Variants in ATRNL1 observed in about 807,000 individuals in gnomAD.
ATRNL1 encodes attractin-like protein 1.
Under a neutral mutation model 182.7 loss-of-function variants are expected in ATRNL1, and 95 were observed. The observed-to-expected ratio is 0.52, with a 90% confidence interval of 0.44 to 0.62. ATRNL1 has a LOEUF of 0.62. Among genes scored for constraint, ATRNL1 ranks in the 20% least tolerant of loss-of-function variants. ATRNL1 has a pLI of 0.00. For synonymous variants in ATRNL1, 576 were observed against 568.3 expected (o/e 1.01, Z -0.19); for missense variants, 1,471 against 1,679.5 (o/e 0.88, Z 2.17).
chr10:115,291,072 A>ATC (rs1355865759), intron 15 of ATRNL1, among the ~76,000 whole-genome samples: 1 of 152,154 alleles, frequency 6.6e-6, no homozygotes, highest in Non-Finnish European at 1.5e-5. Context: ...CAGCTTTCTT[A>ATC]TCTCTGTCTG....
intron 5 of ATRNL1, among the ~76,000 whole-genome samples, chr10:115,146,838 T>C (rs1450562954): frequency 6.6e-6 from 1 of 151,754 alleles, no homozygotes; most frequent in Non-Finnish European, 1.5e-5. Flanking sequence ...CGTTCCATTA[T>C]GTATATACAC....
chr10:115,416,179 A>T lies in ATRNL1; in HGVS notation c.3270-10071A>T, dbSNP rs540497473. On this transcript the variant is annotated intron_variant, in intron 20 of 28. Transcript: ENST00000355044. Reference sequence around the variant, plus strand: ...ATGTTGAGGTGTCCTACAAAAGAATAAATAATGTCTTTCCACTTATTTACA... The same window carrying T: ...ATGTTGAGGTGTCCTACAAAAGAATTAATAATGTCTTTCCACTTATTTACA... Among the ~76,000 whole-genome samples the T allele has an allele frequency of 3.9e-5, 6 of 152,234 alleles. No homozygotes were observed. The East Asian group carries it at 5.8e-4, about 15-fold the overall frequency.
chr10:115,404,820 T>TTG, intron 20 of ATRNL1, among the ~76,000 whole-genome samples: 1 of 151,814 alleles, frequency 6.6e-6, no homozygotes, highest in South Asian at 2.1e-4. Flanking sequence ...CCCAGCTTTT[T>TTG]TTTTTTTTTT....
At chr10:115,799,229 G>A (rs998449703) in intron 27 of ATRNL1, among the ~76,000 whole-genome samples, 5 of 152,110 alleles carry the variant, frequency 3.3e-5, no homozygotes, top group Middle Eastern at 3.4e-3. Flanking sequence ...TGAATTTAAC[G>A]TTATTAATGC....
At chr10:115,198,709 T>G (rs1347686609) in intron 8 of ATRNL1, among the ~76,000 whole-genome samples, 1 of 152,192 alleles carries the variant, frequency 6.6e-6, no homozygotes, top group African/African-American at 2.4e-5. Flanking sequence ...GGTCTAATTT[T>G]ATTCTTCTGC....
chr10:115,837,955 A>G (rs1195075643), intron 27 of ATRNL1, among the ~76,000 whole-genome samples: 3 of 152,194 alleles, frequency 2.0e-5, no homozygotes, highest in Non-Finnish European at 4.4e-5. Context: ...AAGTGATTCT[A>G]CCTAATATAA....
intron 24 of ATRNL1, among the ~76,000 whole-genome samples, chr10:115,473,859 T>A (rs1848413779): frequency 6.6e-6 from 1 of 151,418 alleles, no homozygotes; most frequent in South Asian, 2.1e-4. Flanking sequence ...TTTGTTGGCA[T>A]ACAATTCCCC....
At chr10:115,247,959 A>G (rs1850715709) in intron 10 of ATRNL1, among the ~76,000 whole-genome samples, 1 of 152,194 alleles carries the variant, frequency 6.6e-6, no homozygotes, top group Non-Finnish European at 1.5e-5. Context: ...CATATGTGGA[A>G]GCTAAAAAAA....
At chr10:115,537,456 C>T (rs1852098018) in intron 25 of ATRNL1, among the ~76,000 whole-genome samples, 1 of 152,128 alleles carries the variant, frequency 6.6e-6, no homozygotes, top group South Asian at 2.1e-4. Context: ...CATTTAAATC[C>T]TCTTTCCTTA....
At chr10:115,249,770 A>G (rs1220083768) in intron 10 of ATRNL1, among the ~76,000 whole-genome samples, 5 of 152,030 alleles carry the variant, frequency 3.3e-5, no homozygotes, top group African/African-American at 4.8e-5. Context: ...TGTAATTTTC[A>G]TGATGTCAGT....
chr10:115,387,401 T>A (rs1858424683), intron 19 of ATRNL1, among the ~76,000 whole-genome samples: 1 of 152,182 alleles, frequency 6.6e-6, no homozygotes, highest in Non-Finnish European at 1.5e-5. Context: ...CCCCTACAAA[T>A]GTTAATTTCA....
intron 27 of ATRNL1, among the ~76,000 whole-genome samples, chr10:115,827,929 G>T (rs996763386): frequency 3.3e-5 from 5 of 152,094 alleles, no homozygotes; most frequent in Non-Finnish European, 7.4e-5. Context: ...AAGACAAGTG[G>T]ACCACAGAGA....
chr10:115,924,265 T>C (rs1200925044), intron 28 of ATRNL1, among the ~76,000 whole-genome samples: 1 of 152,236 alleles, frequency 6.6e-6, no homozygotes, highest in African/African-American at 2.4e-5. Flanking sequence ...AGATCCCATT[T>C]GTCAATTTTG....
intron 19 of ATRNL1, among the ~76,000 whole-genome samples, chr10:115,383,065 AT>A (rs1858115813): frequency 6.8e-6 from 1 of 147,654 alleles, no homozygotes; most frequent in East Asian, 2.0e-4. Context: ...AGAACATTGG[AT>A]TTTTCAAAAT....
intron 8 of ATRNL1, among the ~76,000 whole-genome samples, chr10:115,200,463 T>A (rs1193379612): frequency 6.7e-6 from 1 of 149,212 alleles, no homozygotes; most frequent in East Asian, 2.0e-4. Context: ...CATCTATGAG[T>A]GAGAACATGT....
intron 26 of ATRNL1, among the ~76,000 whole-genome samples, chr10:115,654,078 T>C (rs1010100298): frequency 6.6e-6 from 1 of 152,180 alleles, no homozygotes; most frequent in African/African-American, 2.4e-5. Flanking sequence ...ATATAAGCAG[T>C]CTGAAATATA....
At chr10:115,513,874 G>A (rs1421369855) in intron 24 of ATRNL1, among the ~76,000 whole-genome samples, 2 of 151,874 alleles carry the variant, frequency 1.3e-5, no homozygotes, top group Non-Finnish European at 2.9e-5. Flanking sequence ...TTCAACCTGA[G>A]CCTGTAGCCT....
At chr10:115,711,432 G>T (rs918440327) in intron 26 of ATRNL1, among the ~76,000 whole-genome samples, 3 of 152,172 alleles carry the variant, frequency 2.0e-5, no homozygotes, top group Non-Finnish European at 4.4e-5. Context: ...ATGAGTAAGA[G>T]CAGGAGAGAA....
intron 19 of ATRNL1, among the ~76,000 whole-genome samples, chr10:115,361,360 T>C (rs1473267033): frequency 6.6e-6 from 1 of 152,018 alleles, no homozygotes; most frequent in Non-Finnish European, 1.5e-5. Context: ...CATTTCCTTA[T>C]AGTTTCGGCA....
Sources: gnomAD v4.1 joint callset for allele counts (sites outside exome capture counted in the v4.1 genomes callset) on GRCh38, gnomAD v4.1.1 for gene constraint, MANE v1.5 for transcripts, NCBI Gene and HGNC (gene_info 2026-07-23, HGNC 2026-07-21) for gene names.